PLSCR2: variants seen among roughly 807,000 people sequenced by gnomAD.
PLSCR2 encodes the protein phospholipid scramblase 2.
Under a neutral mutation model 25.3 loss-of-function variants are expected in PLSCR2, and 18 were observed. The ratio of observed to expected loss-of-function variants is 0.71; its 90% CI spans 0.49 to 1.06. The LOEUF (loss-of-function observed/expected upper bound fraction) is 1.06. PLSCR2 is among the 50% of genes least tolerant of loss of function. The pLI, the probability that PLSCR2 is intolerant of heterozygous loss-of-function variation, is 0.00. For missense variants in PLSCR2, 243 were observed against 269.5 expected, an observed-to-expected ratio of 0.90 and a Z score of 0.69; for synonymous variants, 88 against 87.3, an observed-to-expected ratio of 1.01 and a Z score of -0.04.
At chr3:146,475,175 G>A (rs1202866604) in intron 1 of PLSCR2, among the ~76,000 whole-genome samples, 2 of 152,000 alleles carry the variant, frequency 1.3e-5, no homozygotes, top group Admixed American at 1.3e-4. Flanking sequence ...CCAGTTCTGT[G>A]CCCTTGACGG....
At chr3:146,455,490 A>C (rs2041162440) in intron 3 of PLSCR2, 31 bp from the exon 4 acceptor site, 1 of 1,322,846 alleles carries the variant, frequency 7.6e-7, no homozygotes, top group African/African-American at 1.4e-5. Context: ...AGTTGCCTTT[A>C]CGTTAAAATG....
At position 146,474,726 on chromosome 3, in the gene PLSCR2, T is replaced by G. The variant is rs114936629; in HGVS notation, c.-292-14442A>C. On this transcript the variant is annotated intron_variant, in intron 1 of 8. Transcript: ENST00000336685. Reference sequence around the variant, plus strand: ...TCTCCTGGATGATGATATCATGAAGTGTGTTTTCCAACTTCTTTTCATTCT... The same window carrying G: ...TCTCCTGGATGATGATATCATGAAGGGTGTTTTCCAACTTCTTTTCATTCT... Among the ~76,000 whole-genome samples the G allele has an allele frequency of 2.9e-3, 436 of 152,228 alleles. 3 individuals carry two copies. Among genetic ancestry groups the G allele is most frequent in the African/African-American group, 0.01 (421 of 41,564 alleles).
At chr3:146,409,706 T>G (rs987985125) in intron 2 of PLSCR2, among the ~76,000 whole-genome samples, 4 of 152,186 alleles carry the variant, frequency 2.6e-5, no homozygotes, top group Admixed American at 2.6e-4. Context: ...AGAAAAATTC[T>G]GTAGCATACA....
At chr3:146,434,691 A>G (rs1222935543) in intron 8 of PLSCR2, among the ~76,000 whole-genome samples, 1 of 152,038 alleles carries the variant, frequency 6.6e-6, no homozygotes, top group Non-Finnish European at 1.5e-5. Context: ...AAGTCATTTC[A>G]CTTTGTTTTA....
chr3:146,451,547 T>C (rs1277782279), intron 5 of PLSCR2, among the ~76,000 whole-genome samples: 1 of 152,186 alleles, frequency 6.6e-6, no homozygotes, highest in African/African-American at 2.4e-5. Flanking sequence ...AGCTTCAAAA[T>C]CCTTAGACTC....
downstream of PLSCR2, chr3:146,441,619 T>C (rs1186514720): frequency 1.7e-5 from 8 of 459,264 alleles, no homozygotes; most frequent in Non-Finnish European, 3.9e-6. Flanking sequence ...AAAGTGAAAT[T>C]ATATACTCAG....
chr3:146,463,058 G>T (rs912548558), upstream of PLSCR2, among the ~76,000 whole-genome samples: 1 of 152,176 alleles, frequency 6.6e-6, no homozygotes, highest in Non-Finnish European at 1.5e-5. Flanking sequence ...GCAAATTTGA[G>T]AAGTTCTGAC....
intron 1 of PLSCR2, among the ~76,000 whole-genome samples, chr3:146,486,746 G>T (rs1380799509): frequency 6.6e-6 from 1 of 151,902 alleles, no homozygotes; most frequent in African/African-American, 2.4e-5. Flanking sequence ...ATACAAAGAG[G>T]GACTGGTACC....
At chr3:146,450,037 A>T (rs950526908) in intron 5 of PLSCR2, among the ~76,000 whole-genome samples, 1 of 152,168 alleles carries the variant, frequency 6.6e-6, no homozygotes, top group Non-Finnish European at 1.5e-5. Context: ...ATTTTTGTGA[A>T]AAAAAATAAA....
intron 2 of PLSCR2, among the ~76,000 whole-genome samples, chr3:146,410,375 GC>G (rs2038804628): frequency 1.3e-5 from 2 of 152,150 alleles, no homozygotes; most frequent in Non-Finnish European, 2.9e-5. Context: ...CTGCAGGGTG[GC>G]TGTTTTGAAC....
chr3:146,428,103 C>A (rs1042932547), intron 2 of PLSCR2, among the ~76,000 whole-genome samples: 2 of 152,136 alleles, frequency 1.3e-5, no homozygotes, highest in African/African-American at 4.8e-5. Context: ...TGAGAAAATT[C>A]TGGCAGTACA....
chr3:146,457,383 G>T (rs1231955386), intron 3 of PLSCR2, among the ~76,000 whole-genome samples: 2 of 152,126 alleles, frequency 1.3e-5, no homozygotes, highest in African/African-American at 4.8e-5. Context: ...GCATCTAGAG[G>T]CTTACTAAAT....
chr3:146,406,752 C>T (rs2038672005), intron 2 of PLSCR2, among the ~76,000 whole-genome samples: 1 of 152,078 alleles, frequency 6.6e-6, no homozygotes, highest in African/African-American at 2.4e-5. Context: ...GAGCTGTTGG[C>T]ATTGTGAGGA....
chr3:146,451,013 A>T (rs1420482284), intron 5 of PLSCR2, among the ~76,000 whole-genome samples: 5 of 151,884 alleles, frequency 3.3e-5, no homozygotes, highest in Non-Finnish European at 7.4e-5. Context: ...ATAACATTTT[A>T]AAAACAAAAC....
chr3:146,429,577 C>G (rs2039470583), downstream of PLSCR2, among the ~76,000 whole-genome samples: 1 of 152,084 alleles, frequency 6.6e-6, no homozygotes, highest in African/African-American at 2.4e-5. Flanking sequence ...CTGCTTCTAA[C>G]AGCCTACACA....
intron 1 of PLSCR2, among the ~76,000 whole-genome samples, chr3:146,494,276 A>T (rs2043667017): frequency 6.6e-6 from 1 of 152,198 alleles, no homozygotes; most frequent in Non-Finnish European, 1.5e-5. Flanking sequence ...AAAACAAATA[A>T]GAACTATGTC....
chr3:146,398,524 TA>T, intron 2 of PLSCR2: 1 of 147,644 alleles, frequency 6.8e-6, no homozygotes, highest in African/African-American at 2.5e-5. Context: ...AATTTTTTTT[TA>T]AAAAGCAAAT....
chr3:146,475,397 G>A (rs2042253397), intron 1 of PLSCR2, among the ~76,000 whole-genome samples: 1 of 151,998 alleles, frequency 6.6e-6, no homozygotes, highest in South Asian at 2.1e-4. Flanking sequence ...TTTCTGTAGG[G>A]CTGCTGCAGT....
chr3:146,409,026 T>C (rs1320899956), intron 2 of PLSCR2, among the ~76,000 whole-genome samples: 3 of 152,154 alleles, frequency 2.0e-5, no homozygotes, highest in Non-Finnish European at 4.4e-5. Context: ...AAGGAGCTGT[T>C]GGCAATCATC....
Sources: allele counts gnomAD v4.1 joint callset (sites outside exome capture counted in the v4.1 genomes callset), GRCh38; gene constraint gnomAD v4.1.1; transcripts MANE v1.5; gene names NCBI Gene and HGNC (gene_info 2026-07-23, HGNC 2026-07-21).